CORO1C: variants seen among roughly 807,000 people sequenced by gnomAD.
The protein encoded by CORO1C is coronin 1C, also known as coronin-1C.
A neutral mutation model predicts 51.2 loss-of-function variants in CORO1C; 14 were observed. The ratio of observed to expected loss-of-function variants is 0.27; its 90% CI spans 0.18 to 0.43. CORO1C has a LOEUF of 0.43. Among genes scored for constraint, CORO1C ranks in the 20% least tolerant of loss-of-function variants. CORO1C has a pLI of 1.00. For synonymous variants in CORO1C, 181 were observed against 210.5 expected (o/e 0.86, Z 1.21); for missense variants, 417 against 607.8 (o/e 0.69, Z 3.30).
chr12:108,681,240 T>A (rs988305188), intron 2 of CORO1C, among the ~76,000 whole-genome samples: 1 of 152,204 alleles, frequency 6.6e-6, no homozygotes, highest in South Asian at 2.1e-4. Flanking sequence ...CACATTTAAA[T>A]AGACAAACCA....
chr12:108,687,456 C>T (rs1000048968), intron 2 of CORO1C, among the ~76,000 whole-genome samples: 1 of 151,996 alleles, frequency 6.6e-6, no homozygotes, highest in South Asian at 2.1e-4. Flanking sequence ...CACTGCACTC[C>T]AGCCTGGGTG....
At chr12:108,671,847 T>G (rs1336120718) in intron 3 of CORO1C, among the ~76,000 whole-genome samples, 1 of 152,140 alleles carries the variant, frequency 6.6e-6, no homozygotes, top group Non-Finnish European at 1.5e-5. Context: ...AATGCAGCCT[T>G]GATCTTCCAG....
chr12:108,646,712 G>A lies in CORO1C; in HGVS notation c.*691C>T, dbSNP rs544990873. The A allele has an allele frequency of 1.3e-5, 2 of 152,468 alleles. No homozygotes were observed. The highest frequency in any genetic ancestry group is 2.1e-4 in the South Asian group (1 of 4,824). 9.4% of individuals were successfully genotyped at this position (152,468 alleles called of 1,614,324 possible). A position where few individuals can be genotyped will look rare whatever the true frequency, so the allele number is the denominator to read the frequency against. ...TTTTGATCAGAAGACTCCATGAAATGAGAGCGGTGGTAATATGAATCCACG... is the reference window on the plus strand; with the variant it reads ...TTTTGATCAGAAGACTCCATGAAATAAGAGCGGTGGTAATATGAATCCACG... On this transcript the variant is annotated 3_prime_UTR_variant, in exon 11 of 11. Coordinates refer to ENST00000261401, the MANE Select transcript of CORO1C (RefSeq NM_014325.4).
intron 3 of CORO1C, among the ~76,000 whole-genome samples, chr12:108,669,121 T>TA (rs986521528): frequency 6.6e-6 from 1 of 152,206 alleles, no homozygotes; most frequent in Admixed American, 6.5e-5. Flanking sequence ...AAGCCACGTC[T>TA]AAAAAATGGG....
chr12:108,653,370 A>C (rs1048393789), intron 7 of CORO1C, among the ~76,000 whole-genome samples: 2 of 152,240 alleles, frequency 1.3e-5, no homozygotes, highest in African/African-American at 4.8e-5. Flanking sequence ...CTTTCAAGGA[A>C]ACAGACAAGA....
intron 3 of CORO1C, among the ~76,000 whole-genome samples, chr12:108,672,373 G>A (rs1053089616): frequency 2.6e-5 from 4 of 152,154 alleles, no homozygotes; most frequent in African/African-American, 9.7e-5. Context: ...TTAAAAAGTT[G>A]TTTAGTTTTT....
chr12:108,655,159 C>T (rs926865228), intron 6 of CORO1C, among the ~76,000 whole-genome samples: 2 of 152,152 alleles, frequency 1.3e-5, no homozygotes, highest in African/African-American at 4.8e-5. Context: ...TTCCTTCCGA[C>T]ACATGTACAC....
intron 2 of CORO1C, among the ~76,000 whole-genome samples, chr12:108,679,134 C>CAAAAAAAAAAAAAA (rs2034027740): frequency 2.0e-5 from 1 of 49,690 alleles, no homozygotes; most frequent in Non-Finnish European, 4.0e-5. Context: ...AAAAAAGAAA[C>CAAAAAAAAAAAAAA]AAGAAAAAAG....
chr12:108,653,843 C>T (rs1409060182), intron 7 of CORO1C, among the ~76,000 whole-genome samples: 2 of 152,208 alleles, frequency 1.3e-5, no homozygotes, highest in Non-Finnish European at 2.9e-5. Context: ...CATTCTCCTT[C>T]CAAGTCCATG....
intron 1 of CORO1C, among the ~76,000 whole-genome samples, chr12:108,720,199 G>GAC (rs1012159911): frequency 2.0e-5 from 3 of 151,866 alleles, no homozygotes; most frequent in African/African-American, 4.8e-5. Flanking sequence ...CACTCATACA[G>GAC]ACACACACAC....
intron 3 of CORO1C, among the ~76,000 whole-genome samples, 159 bp from the exon 4 acceptor site, chr12:108,662,317 G>GC (rs2033302464): frequency 6.7e-6 from 1 of 148,456 alleles, no homozygotes; most frequent in African/African-American, 2.5e-5. Flanking sequence ...GTGTTAGGCG[G>GC]TTTTTTTTTT....
At chr12:108,672,172 C>T (rs2033744812) in intron 3 of CORO1C, among the ~76,000 whole-genome samples, 1 of 152,174 alleles carries the variant, frequency 6.6e-6, no homozygotes, top group African/African-American at 2.4e-5. Context: ...CTTAAGGAAT[C>T]CACCCAAGAA....
chr12:108,677,848 G>T (rs148699633), intron 3 of CORO1C, among the ~76,000 whole-genome samples: 1 of 151,970 alleles, frequency 6.6e-6, no homozygotes, highest in Non-Finnish European at 1.5e-5. Context: ...GTGAAACCTC[G>T]TCTCTATTAA....
chr12:108,698,485 G>A (rs1397371319), intron 2 of CORO1C, among the ~76,000 whole-genome samples: 1 of 152,214 alleles, frequency 6.6e-6, no homozygotes, highest in East Asian at 1.9e-4. Flanking sequence ...TCAGCTCACT[G>A]CAACTCCGCC....
chr12:108,697,464 C>T (rs1256003727), intron 2 of CORO1C, among the ~76,000 whole-genome samples: 1 of 152,212 alleles, frequency 6.6e-6, no homozygotes, highest in Non-Finnish European at 1.5e-5. Flanking sequence ...TCATTTCTTG[C>T]TATCTTGATT....
chr12:108,656,118 G>C (rs1165049398), intron 6 of CORO1C, among the ~76,000 whole-genome samples: 1 of 143,460 alleles, frequency 7.0e-6, no homozygotes, highest in Non-Finnish European at 1.5e-5. Flanking sequence ...CGCCCCGTCT[G>C]AGAAGTGAGG....
At chr12:108,699,402 T>C (rs550248521) in intron 2 of CORO1C, among the ~76,000 whole-genome samples, 1 of 152,300 alleles carries the variant, frequency 6.6e-6, no homozygotes, top group African/African-American at 2.4e-5. Context: ...TTATGTCTAT[T>C]TTGTGCTTCT....
At chr12:108,730,506 T>C (rs959549544) in intron 1 of CORO1C, 2 of 152,198 alleles carry the variant, frequency 1.3e-5, no homozygotes, top group Non-Finnish European at 2.9e-5. Context: ...GTTTCTGCAT[T>C]CCCACCCTCC....
At chr12:108,676,664 C>T (rs1198626030) in intron 3 of CORO1C, among the ~76,000 whole-genome samples, 5 of 150,682 alleles carry the variant, frequency 3.3e-5, no homozygotes, top group Non-Finnish European at 5.9e-5. Flanking sequence ...CCCAGCTACT[C>T]GGGAGGCTGA....
Sources: gnomAD v4.1 joint callset for allele counts (sites outside exome capture counted in the v4.1 genomes callset) on GRCh38, gnomAD v4.1.1 for gene constraint, MANE v1.5 for transcripts, NCBI Gene and HGNC (gene_info 2026-07-23, HGNC 2026-07-21) for gene names.